GART: variants seen among roughly 807,000 people sequenced by gnomAD.
GART encodes the protein trifunctional purine biosynthetic protein adenosine-3.
In GART, 43 loss-of-function variants were observed where a neutral mutation model predicts 107.2. The observed-to-expected ratio is 0.40, with a 90% CI of 0.31 to 0.52. The LOEUF is 0.52. Ranked by LOEUF, GART falls within the 20% of genes least tolerant of loss-of-function variation. The pLI is 0.52. For synonymous variants in GART, 434 were observed against 427.0 expected (o/e 1.02, Z -0.20); for missense variants, 1,107 against 1,206.5 (o/e 0.92, Z 1.22).
intron 2 of GART, among the ~76,000 whole-genome samples, chr21:33,536,529 C>T (rs1462555116): frequency 2.6e-5 from 4 of 152,184 alleles, no homozygotes; most frequent in Non-Finnish European, 5.9e-5. Context: ...ATGCCTGAAA[C>T]CACAGTGCTG....
At chr21:33,532,775 A>G (rs2085218132) in intron 4 of GART, among the ~76,000 whole-genome samples, 1 of 152,238 alleles carries the variant, frequency 6.6e-6, no homozygotes, top group African/African-American at 2.4e-5. Flanking sequence ...AGTAGCAAAT[A>G]GTACTCTCAT....
At chr21:33,525,037 G>A (rs2085045543) in intron 10 of GART, 37 bp from the exon 11 acceptor site, 2 of 1,591,986 alleles carry the variant, frequency 1.3e-6, no homozygotes, top group African/African-American at 1.4e-5. Flanking sequence ...ATTTCAAATA[G>A]CAACAGTATT....
In GART at chr21:33,535,330, G is replaced by GAAAAAA; in HGVS notation, c.146-16_146-11dup. 7 of 365,878 alleles carry GAAAAAA rather than the reference G, an allele frequency of 1.9e-5. No homozygotes were observed. The highest frequency in any genetic ancestry group is 5.4e-5 in the Admixed American group (1 of 18,464). The allele number at this position is 365,878 out of a possible 1,614,324, so 22.7% of individuals were successfully genotyped here. A position where few individuals can be genotyped will look rare whatever the true frequency, so the allele number is the denominator to read the frequency against. ...TCACTGATTGAGATGGCTGTAAACAGAAAAAAAAAAAAAAAAACCACTGCA... is the reference window on the plus strand; with the variant it reads ...TCACTGATTGAGATGGCTGTAAACAGAAAAAAAAAAAAAAAAAAAAAAACCACTGCA... On this transcript the variant is annotated splice_polypyrimidine_tract_variant and intron_variant, in intron 2 of 21. Coordinates refer to ENST00000381815, the MANE Select transcript of GART (RefSeq NM_000819.5).
At position 33,527,644 on chromosome 21, in the gene GART, G is replaced by A. The variant is rs550220427; in HGVS notation, c.1066+523C>T. ...GAACTTAGATTTAACATCATTTAAC[G>A]AGATGTTTCACCTACTTTATATAAA... On this transcript the variant is annotated intron_variant, in intron 10 of 21. Coordinates refer to ENST00000381815, the MANE Select transcript of GART (RefSeq NM_000819.5). Among the ~76,000 whole-genome samples the A allele has an allele frequency of 1.4e-4, 21 of 152,134 alleles. No individual in the cohort carries two copies. The South Asian group carries it at 2.3e-3, about 17-fold the overall frequency.
chr21:33,526,780 T>G (rs769647569), intron 10 of GART, among the ~76,000 whole-genome samples: 48 of 152,246 alleles, frequency 3.2e-4, no homozygotes, highest in Non-Finnish European at 6.3e-4. Context: ...AGACTATATA[T>G]TCTAAATTCT....
chr21:33,513,710 A>G (rs561433740), intron 16 of GART, among the ~76,000 whole-genome samples: 94 of 152,344 alleles, frequency 6.2e-4, no homozygotes, highest in African/African-American at 2.2e-3. Flanking sequence ...TATGCTCTCA[A>G]TAGTTAAAAG....
chr21:33,539,004 T>C (rs1033374116), intron 2 of GART, among the ~76,000 whole-genome samples, 167 bp downstream of exon 2: 1 of 152,088 alleles, frequency 6.6e-6, no homozygotes, highest in African/African-American at 2.4e-5. Flanking sequence ...ATGGTCTCCA[T>C]CTCCTGACCT....
At position 33,535,271 on chromosome 21, in the gene GART, C is replaced by T. The variant is rs749468739; in HGVS notation, c.195G>A (p.Lys65=). Residue 65 remains lysine (K), a synonymous_variant, in exon 3 of 22, where the codon AAG becomes AAA. Coordinates refer to ENST00000381815, the MANE Select transcript of GART (RefSeq NM_000819.5). The part of the protein sequence containing the change: ...HTALAQFCKE[K]KIEFVVVGPE... ...GTCCAACAACTACAAATTCAATTTTCTTCTCTTTGCAGAATTGAGCAAGGG... is the reference window on the plus strand; with the variant it reads ...GTCCAACAACTACAAATTCAATTTTTTTCTCTTTGCAGAATTGAGCAAGGG... 2.3e-5 allele frequency: 32 copies of T among 1,378,762 alleles called. No homozygotes were observed. Among genetic ancestry groups the T allele is most frequent in the East Asian group, 3.9e-5 (1 of 25,766 alleles). 85.4% of individuals were successfully genotyped at this position (1,378,762 alleles called of 1,614,324 possible).
At chr21:33,532,313 A>G in intron 5 of GART, 32 bp downstream of exon 5, 1 of 1,490,174 alleles carries the variant, frequency 6.7e-7, no homozygotes, top group Non-Finnish European at 9.3e-7. Context: ...GTATGAATAG[A>G]AAAGTAAATT....
chr21:33,516,799 A>C (rs1035583468), intron 16 of GART, among the ~76,000 whole-genome samples, 190 bp downstream of exon 16: 8 of 152,174 alleles, frequency 5.3e-5, no homozygotes, highest in Non-Finnish European at 1.2e-4. Flanking sequence ...ACAATATTTT[A>C]TGTCTTATAA....
intron 18 of GART, among the ~76,000 whole-genome samples, chr21:33,506,776 TAAAAG>T (rs1415855871): frequency 3.3e-5 from 5 of 152,262 alleles, no homozygotes; most frequent in Admixed American, 1.3e-4. Context: ...AGACATTTCT[TAAAAG>T]AAAACACACA....
At chr21:33,540,899 A>C (rs2085401611) in intron 1 of GART, among the ~76,000 whole-genome samples, 1 of 152,176 alleles carries the variant, frequency 6.6e-6, no homozygotes, top group Admixed American at 6.5e-5. Context: ...ATTTGCAGAT[A>C]AGACAAGGAG....
chr21:33,538,507 G>GT (rs983419227), intron 2 of GART, among the ~76,000 whole-genome samples: 13 of 151,936 alleles, frequency 8.6e-5, no homozygotes, highest in Non-Finnish European at 1.6e-4. Context: ...TGCTGGGATT[G>GT]TAAGCGTGAG....
rs776547570 is a variant in GART at position 33,524,952 on chromosome 21, G to C, written c.1115C>G (p.Thr372Ser). ...ALGLEVFHAGTALKNGKVVTH... is the reference protein window; with the variant it reads ...ALGLEVFHAGSALKNGKVVTH... ...TACTACTTTGCCATTTTTGAGGGCA[G>C]TGCCTGCATGGAACACCTCCAGTCC... The change falls in exon 11 of 22, where the codon ACT becomes AGT. Residue 372 changes from threonine to serine, a missense_variant. Physicochemically the swap from Thr to Ser is moderately conservative, Grantham distance 58. Coordinates refer to ENST00000381815, the MANE Select transcript of GART (RefSeq NM_000819.5). The C allele has an allele frequency of 1.9e-6, 3 of 1,614,232 alleles. No homozygotes were observed. The South Asian group carries it at 3.3e-5, about 18-fold the overall frequency.
rs750589391 is a variant in GART, at chr21:33,511,364, C to T, written c.2202G>A (p.Gly734=). ...TTGATACCACAAGGACAGCGCCAAC[C>T]CCACAGTTAAATGTTCTGGCCATCT... ...EEEMARTFNC[G]VGAVLVVSKE... is the part of the protein sequence containing the mutation. The change falls in exon 17 of 22, where the codon GGG becomes GGA. Residue 734 remains glycine, a synonymous_variant. Transcript: ENST00000381815. 5 of 1,614,022 alleles carry T rather than the reference C, an allele frequency of 3.1e-6. No individual in the cohort carries two copies. Among genetic ancestry groups the T allele is most frequent in the African/African-American group, 1.3e-5 (1 of 74,920 alleles).
At chr21:33,512,518 G>GT (rs1191833752) in intron 16 of GART, among the ~76,000 whole-genome samples, 2 of 152,048 alleles carry the variant, frequency 1.3e-5, no homozygotes, top group Admixed American at 1.3e-4. Flanking sequence ...GGAAGCCAAT[G>GT]TGAACTCAGC....
intron 16 of GART, among the ~76,000 whole-genome samples, chr21:33,515,617 C>T (rs1169658682): frequency 1.7e-5 from 2 of 119,452 alleles, no homozygotes; most frequent in East Asian, 2.4e-4. Flanking sequence ...TCCAGTCTGG[C>T]GACTCCAGCC....
chr21:33,516,046 G>A (rs938306247), intron 16 of GART, among the ~76,000 whole-genome samples: 6 of 151,718 alleles, frequency 4.0e-5, no homozygotes, highest in Non-Finnish European at 8.8e-5. Flanking sequence ...TCAGGAATTC[G>A]AAACCAGCCT....
intron 16 of GART, among the ~76,000 whole-genome samples, chr21:33,513,241 A>AG (rs1393429501): frequency 6.6e-6 from 1 of 152,022 alleles, no homozygotes; most frequent in Non-Finnish European, 1.5e-5. Context: ...CTGGAATTAC[A>AG]GGGGTGAGCC....
Sources: gnomAD v4.1 joint callset for allele counts (sites outside exome capture counted in the v4.1 genomes callset) on GRCh38, gnomAD v4.1.1 for gene constraint, MANE v1.5 for transcripts, NCBI Gene and HGNC (gene_info 2026-07-23, HGNC 2026-07-21) for gene names.